EIF5A2: variants seen among roughly 807,000 people sequenced by gnomAD.
EIF5A2 encodes eukaryotic translation initiation factor 5A-2.
Under a neutral mutation model 16.4 loss-of-function variants are expected in EIF5A2, and 15 were observed. The ratio of observed to expected loss-of-function variants is 0.92; its 90% CI spans 0.61 to 1.41. EIF5A2 has a LOEUF of 1.41. Ranked by LOEUF, EIF5A2 falls within the 40% of genes most tolerant of loss-of-function variation. The pLI is 0.00. For synonymous variants in EIF5A2, 48 were observed against 61.1 expected (o/e 0.79, Z 1.00); for missense variants, 144 against 189.5 (o/e 0.76, Z 1.41).
rs965653977 is a variant in EIF5A2 at position 170,892,544 on chromosome 3, C to T, written c.*816G>A. On this transcript the variant is annotated 3_prime_UTR_variant, in exon 5 of 5. Transcript: ENST00000295822. ...ATAGTATCATGTAAAGCAGATCACT[C>T]CCTTTAAACGTTGGGGGCAAAGTTA... The T allele has an allele frequency of 2.6e-6, 1 of 383,014 alleles. No homozygotes were observed. The highest frequency in any genetic ancestry group is 4.6e-6 in the Non-Finnish European group (1 of 217,002). The allele number at this position is 383,014 out of a possible 1,614,324, so 23.7% of individuals were successfully genotyped here.
intron 3 of EIF5A2, among the ~76,000 whole-genome samples, chr3:170,900,634 C>T (rs1712786462): frequency 6.6e-6 from 1 of 152,080 alleles, no homozygotes; most frequent in African/African-American, 2.4e-5. Flanking sequence ...TGGATTGAAA[C>T]ACAAATATGT....
At position 170,891,099 on chromosome 3, in the gene EIF5A2, ATATT is replaced by A. The variant is rs1045253315; in HGVS notation, c.*2257_*2260del. 4.6e-5 allele frequency: 7 copies of A among 152,586 alleles called. No individual in the cohort carries two copies. Among genetic ancestry groups the A allele is most frequent in the African/African-American group, 1.4e-4 (6 of 41,452 alleles). 9.5% of individuals were successfully genotyped at this position (152,586 alleles called of 1,614,324 possible). A position where few individuals can be genotyped will look rare whatever the true frequency, so the allele number is the denominator to read the frequency against. ...CCTTAATTTGTACACAATTGAAAAT[ATATT>A]TATGTGAAATTTTACAAGTTAGGAA... is the stretch of plus-strand genomic sequence containing the variant. On this transcript the variant is annotated 3_prime_UTR_variant, in exon 5 of 5. Transcript: ENST00000295822.
chr3:170,893,215 G>T lies in EIF5A2; in HGVS notation c.*145C>A. 1 of 650,766 alleles carries T rather than the reference G, an allele frequency of 1.5e-6. No homozygotes were observed. The highest frequency in any genetic ancestry group is 2.3e-6 in the Non-Finnish European group (1 of 433,144). 40.3% of individuals were successfully genotyped at this position (650,766 alleles called of 1,614,324 possible). ...ATTTTTTAAAAATTATCAATTGCTTGCAAAACTAACCCAGCACAATCTGAA... is the reference window on the plus strand; with the variant it reads ...ATTTTTTAAAAATTATCAATTGCTTTCAAAACTAACCCAGCACAATCTGAA... On this transcript the variant is annotated 3_prime_UTR_variant, in exon 5 of 5. Transcript: ENST00000295822.
intron 4 of EIF5A2, 50 bp downstream of exon 4, chr3:170,894,242 A>C (rs1712610752): frequency 1.3e-6 from 2 of 1,593,732 alleles, no homozygotes; most frequent in South Asian, 1.1e-5. Context: ...AGTTGAGGTC[A>C]AAGTTTTTAT....
At chr3:170,902,798 G>A (rs1016999203) in intron 3 of EIF5A2, among the ~76,000 whole-genome samples, 1 of 151,870 alleles carries the variant, frequency 6.6e-6, no homozygotes, top group Non-Finnish European at 1.5e-5. Flanking sequence ...TTAGAGACGG[G>A]GTTTCACCAT....
rs1301230390 is a variant in EIF5A2 at position 170,892,244 on chromosome 3, TG to T, written c.*1115del. ...GAGTTCAAGACCAGCCTAGACAACA[TG>T]GTGAAACCCCATCTCTACTAAAATA... On this transcript the variant is annotated 3_prime_UTR_variant, in exon 5 of 5. Coordinates refer to ENST00000295822, the MANE Select transcript of EIF5A2 (RefSeq NM_020390.6). 1.3e-5 allele frequency: 2 copies of T among 152,290 alleles called. No individual in the cohort carries two copies. Among genetic ancestry groups the T allele is most frequent in the African/African-American group, 4.8e-5 (2 of 41,374 alleles). 9.4% of individuals were successfully genotyped at this position (152,290 alleles called of 1,614,324 possible). A position where few individuals can be genotyped will look rare whatever the true frequency, so the allele number is the denominator to read the frequency against.
intron 3 of EIF5A2, among the ~76,000 whole-genome samples, chr3:170,904,870 T>C (rs1196946650): frequency 2.6e-5 from 4 of 152,242 alleles, no homozygotes; most frequent in Admixed American, 2.6e-4. Flanking sequence ...CGTTATTATT[T>C]ATGTCTCTGC....
chr3:170,894,526 C>G (rs1712620371), intron 3 of EIF5A2, 103 bp from the exon 4 acceptor site: 1 of 878,786 alleles, frequency 1.1e-6, no homozygotes, highest in Non-Finnish European at 1.7e-6. Flanking sequence ...TATAAGTATA[C>G]AGTAATATAT....
intron 4 of EIF5A2, 125 bp from the exon 5 acceptor site, chr3:170,893,544 C>T: frequency 1.1e-6 from 1 of 926,612 alleles, no homozygotes; most frequent in Non-Finnish European, 1.5e-6. Context: ...AGGGGTATTC[C>T]AAAACAAGCT....
Position 170,890,036 on chromosome 3 carries a change from T to C in EIF5A2, c.*3324A>G, listed in dbSNP as rs2108290362. On this transcript the variant is annotated 3_prime_UTR_variant, in exon 5 of 5. Coordinates refer to ENST00000295822, the MANE Select transcript of EIF5A2 (RefSeq NM_020390.6). ...ATTCTGCCAATATATTTTCAGGCAA[T>C]TAGCTTTAAAATAATGAAATTTCAG... The C allele has an allele frequency of 6.6e-6, 1 of 152,668 alleles. No individual in the cohort carries two copies. The highest frequency in any genetic ancestry group is 6.5e-5 in the Admixed American group (1 of 15,294). The allele number at this position is 152,668 out of a possible 1,614,324, so 9.5% of individuals were successfully genotyped here.
chr3:170,894,433 G>A lies in EIF5A2; in HGVS notation c.271-10C>T. The A allele has an allele frequency of 6.2e-7, 1 of 1,613,166 alleles. No homozygotes were observed. The highest frequency in any genetic ancestry group is 2.2e-5 in the East Asian group (1 of 44,804). On this transcript the variant is annotated splice_polypyrimidine_tract_variant and intron_variant, in intron 3 of 4. Coordinates refer to ENST00000295822, the MANE Select transcript of EIF5A2 (RefSeq NM_020390.6). ...CTTGAATGCATATCAGCTATTAGAA[G>A]AAATTATATCATTTGTGCTGATTAG...
Position 170,893,276 on chromosome 3 carries a change from G to T in EIF5A2, c.*84C>A. On this transcript the variant is annotated 3_prime_UTR_variant, in exon 5 of 5. Transcript: ENST00000295822. ...AAAAGAAATGAGGTTGCTTATGAAG[G>T]CTATAGCTTTGGTGACAACTTAGAA... is the stretch of plus-strand genomic sequence containing the variant. 7.2e-7 allele frequency: 1 copy of T among 1,397,190 alleles called. No homozygotes were observed. The highest frequency in any genetic ancestry group is 9.9e-7 in the Non-Finnish European group (1 of 1,007,678). 86.5% of individuals were successfully genotyped at this position (1,397,190 alleles called of 1,614,324 possible). A position where few individuals can be genotyped will look rare whatever the true frequency, so the allele number is the denominator to read the frequency against.
chr3:170,894,802 G>A (rs1332139441), intron 3 of EIF5A2, among the ~76,000 whole-genome samples: 2 of 150,738 alleles, frequency 1.3e-5, no homozygotes, highest in Admixed American at 6.6e-5. Flanking sequence ...CGAGGCGGGC[G>A]GATCATGAGG....
At position 170,893,227 on chromosome 3, in the gene EIF5A2, C is replaced by T; in HGVS notation, c.*133G>A. 1.3e-6 allele frequency: 1 copy of T among 788,296 alleles called. No individual in the cohort carries two copies. The highest frequency in any genetic ancestry group is 1.8e-6 in the Non-Finnish European group (1 of 542,038). 48.8% of individuals were successfully genotyped at this position (788,296 alleles called of 1,614,324 possible). A position where few individuals can be genotyped will look rare whatever the true frequency, so the allele number is the denominator to read the frequency against. ...TTATCAATTGCTTGCAAAACTAACC[C>T]AGCACAATCTGAAAACAATTAAAAA... On this transcript the variant is annotated 3_prime_UTR_variant, in exon 5 of 5. Coordinates refer to ENST00000295822, the MANE Select transcript of EIF5A2 (RefSeq NM_020390.6).
chr3:170,890,357 A>G lies in EIF5A2; in HGVS notation c.*3003T>C, dbSNP rs539090389. ...TAATCATTTTATTGCAGTATCTCCTATTATAGATATCATGCTCTGATGCAG... is the reference window on the plus strand; with the variant it reads ...TAATCATTTTATTGCAGTATCTCCTGTTATAGATATCATGCTCTGATGCAG... On this transcript the variant is annotated 3_prime_UTR_variant, in exon 5 of 5. Transcript: ENST00000295822. 6 of 152,264 alleles carry G rather than the reference A, an allele frequency of 3.9e-5. No homozygotes were observed. Among genetic ancestry groups the G allele is most frequent in the Admixed American group, 2.0e-4 (3 of 15,298 alleles). 9.4% of individuals were successfully genotyped at this position (152,264 alleles called of 1,614,324 possible). A position where few individuals can be genotyped will look rare whatever the true frequency, so the allele number is the denominator to read the frequency against.
intron 3 of EIF5A2, among the ~76,000 whole-genome samples, chr3:170,897,970 T>A (rs1389218316): frequency 1.3e-5 from 2 of 152,212 alleles, no homozygotes; most frequent in Non-Finnish European, 2.9e-5. Context: ...GTGCCCTGGA[T>A]GTAAGACATG....
intron 3 of EIF5A2, among the ~76,000 whole-genome samples, chr3:170,899,994 G>A (rs955720783): frequency 3.3e-5 from 5 of 151,586 alleles, no homozygotes; most frequent in Non-Finnish European, 7.4e-5. Flanking sequence ...GCAGAGGTGA[G>A]GGTCAAAAAA....
In EIF5A2 at chr3:170,889,020, G is replaced by A. The variant is rs983315576; in HGVS notation, c.*4340C>T. ...CTATCAATACCAAGAAACAGTTTTA[G>A]GGACTTCATATAAATACAATAACCT... On this transcript the variant is annotated 3_prime_UTR_variant, in exon 5 of 5. Coordinates refer to ENST00000295822, the MANE Select transcript of EIF5A2 (RefSeq NM_020390.6). 7.0e-6 allele frequency: 1 copy of A among 143,032 alleles called. No individual in the cohort carries two copies. The highest frequency in any genetic ancestry group is 2.6e-5 in the African/African-American group (1 of 38,256). 8.9% of individuals were successfully genotyped at this position (143,032 alleles called of 1,614,324 possible).
chr3:170,901,980 A>C (rs894030442), intron 3 of EIF5A2, among the ~76,000 whole-genome samples: 10 of 152,174 alleles, frequency 6.6e-5, no homozygotes, highest in African/African-American at 9.7e-5. Flanking sequence ...TAAGCAAATA[A>C]CACCACCATA....
Sources: allele counts gnomAD v4.1 joint callset (sites outside exome capture counted in the v4.1 genomes callset), GRCh38; gene constraint gnomAD v4.1.1; transcripts MANE v1.5; gene names NCBI Gene and HGNC (gene_info 2026-07-23, HGNC 2026-07-21).